Variants in OGFOD1 observed in about 807,000 individuals in gnomAD.
OGFOD1 encodes 2-oxoglutarate and iron dependent oxygenase domain containing 1, also known as prolyl 3-hydroxylase OGFOD1.
OGFOD1 carries 54 observed loss-of-function variants against 67.7 expected under a neutral mutation model. That is an observed-to-expected ratio of 0.80 (90% CI 0.64 to 1.00). The LOEUF (loss-of-function observed/expected upper bound fraction) is 1.00. OGFOD1 is among the 50% of genes least tolerant of loss of function. OGFOD1 has a pLI of 0.00. For synonymous variants in OGFOD1, 221 were observed against 227.0 expected (o/e 0.97, Z 0.24); for missense variants, 606 against 646.7 (o/e 0.94, Z 0.68).
At chr16:56,457,699 A>G (rs1962569275) in intron 2 of OGFOD1, among the ~76,000 whole-genome samples, 1 of 149,740 alleles carries the variant, frequency 6.7e-6, no homozygotes, top group South Asian at 2.1e-4. Context: ...TTTTTTTTTT[A>G]GACGGAGTTT....
chr16:56,454,459 G>A (rs1236551920), intron 2 of OGFOD1, among the ~76,000 whole-genome samples: 1 of 146,616 alleles, frequency 6.8e-6, no homozygotes, highest in Non-Finnish European at 1.5e-5. Context: ...TTTTTTTTTT[G>A]GTGGACAGTT....
chr16:56,457,737 A>G (rs1319102870), intron 2 of OGFOD1, among the ~76,000 whole-genome samples: 2 of 151,784 alleles, frequency 1.3e-5, no homozygotes, highest in African/African-American at 2.4e-5. Context: ...CTGGAGTGCA[A>G]TGGCGAGATC....
At chr16:56,475,655 TG>T (rs774220974) in intron 12 of OGFOD1, 90 bp downstream of exon 12, 15 of 995,844 alleles carry the variant, frequency 1.5e-5, no homozygotes, top group Admixed American at 5.7e-5. Flanking sequence ...CTTCTACCAG[TG>T]TCTTTAGCTA....
intron 3 of OGFOD1, among the ~76,000 whole-genome samples, chr16:56,461,895 C>A (rs1962722931): frequency 6.6e-6 from 1 of 152,030 alleles, no homozygotes; most frequent in Non-Finnish European, 1.5e-5. Context: ...GAGTTGGAGA[C>A]CAGCCTGGCC....
At chr16:56,463,923 G>C (rs1425075709) in intron 4 of OGFOD1, among the ~76,000 whole-genome samples, 1 of 152,066 alleles carries the variant, frequency 6.6e-6, no homozygotes, top group Non-Finnish European at 1.5e-5. Flanking sequence ...AATTTACGTT[G>C]ATGCCTTATT....
chr16:56,469,460 A>T (rs1300231427), intron 8 of OGFOD1, among the ~76,000 whole-genome samples: 1 of 152,176 alleles, frequency 6.6e-6, no homozygotes, highest in Non-Finnish European at 1.5e-5. Context: ...TAAGAGAATG[A>T]GCCACAATGG....
intron 2 of OGFOD1, among the ~76,000 whole-genome samples, chr16:56,455,486 T>C (rs566403372): frequency 2.0e-5 from 3 of 152,106 alleles, no homozygotes; most frequent in African/African-American, 7.2e-5. Context: ...GGTGAAACTC[T>C]ACTGTGAATA....
In OGFOD1 at chr16:56,462,638, A is replaced by C; in HGVS notation, c.448+4A>C. ...TGTGCTAAATATGAATTCACTGGTA[A>C]GGAAGATAAAGGCCTGGTGTCTGTA... On this transcript the variant is annotated splice_donor_region_variant and intron_variant, in intron 4 of 12. Coordinates refer to ENST00000566157, the MANE Select transcript of OGFOD1 (RefSeq NM_018233.4). 9 of 1,505,398 alleles carry C rather than the reference A, an allele frequency of 6.0e-6. No individual in the cohort carries two copies. The highest frequency in any genetic ancestry group is 2.8e-6 in the Non-Finnish European group (3 of 1,081,484). 93.3% of individuals were successfully genotyped at this position (1,505,398 alleles called of 1,614,324 possible).
intron 5 of OGFOD1, 22 bp from the exon 6 acceptor site, chr16:56,466,853 TG>T (rs777530896): frequency 6.5e-7 from 1 of 1,543,038 alleles, no homozygotes; most frequent in South Asian, 1.1e-5. Flanking sequence ...GATAATTTAT[TG>T]ATGTGTTCTT....
intron 7 of OGFOD1, 123 bp downstream of exon 7, chr16:56,467,416 T>C: frequency 3.0e-6 from 3 of 991,698 alleles, no homozygotes; most frequent in Non-Finnish European, 4.3e-6. Context: ...TCCACTTTTC[T>C]TTTTTTTTTC....
chr16:56,465,987 TTACTTA>T, intron 4 of OGFOD1, 159 bp from the exon 5 acceptor site: 1 of 557,814 alleles, frequency 1.8e-6, no homozygotes, highest in South Asian at 2.3e-5. Context: ...ACTTATTTGT[TTACTTA>T]TAAAAGAGGA....
rs542740991 is a variant in OGFOD1, at chr16:56,470,831, C to A, written c.1285+40C>A. 1.0e-5 allele frequency: 15 copies of A among 1,489,594 alleles called. No individual in the cohort carries two copies. In the South Asian group the frequency reaches 2.1e-4, roughly 20 times the overall value. The allele number at this position is 1,489,594 out of a possible 1,614,324, so 92.3% of individuals were successfully genotyped here. A position where few individuals can be genotyped will look rare whatever the true frequency, so the allele number is the denominator to read the frequency against. ...GGATTTGTCCTTACTTACCATTAAC[C>A]ATTCACCATTCAAACATGTATTCAT... On this transcript the variant is annotated intron_variant, in intron 10 of 12. Transcript: ENST00000566157.
At chr16:56,469,831 CAA>C (rs143511708) in intron 8 of OGFOD1, among the ~76,000 whole-genome samples, 170 bp from the exon 9 acceptor site, 10,398 of 96,494 alleles carry the variant, frequency 0.11, 588 homozygotes, top group East Asian at 0.22. Flanking sequence ...GCCTGGGCAA[CAA>C]GAGTGAAACT....
Position 56,474,818 on chromosome 16 carries a change from T to G in OGFOD1, c.1286-10T>G. ...TTTTTAAAGTTTCTCATCTTTTTTT[T>G]TTTCCTTAGAATCAAGTGTTCCCAT... On this transcript the variant is annotated splice_polypyrimidine_tract_variant and intron_variant, in intron 10 of 12. Transcript: ENST00000566157. 1 of 1,588,374 alleles carries G rather than the reference T, an allele frequency of 6.3e-7. No homozygotes were observed. The highest frequency in any genetic ancestry group is 8.5e-7 in the Non-Finnish European group (1 of 1,172,848).
intron 7 of OGFOD1, 26 bp downstream of exon 7, chr16:56,467,319 T>C (rs1962946071): frequency 1.2e-6 from 2 of 1,612,864 alleles, no homozygotes; most frequent in Admixed American, 1.7e-5. Context: ...GATATCCTTA[T>C]CTTAGGAGCT....
At chr16:56,457,233 A>G (rs1962552382) in intron 2 of OGFOD1, among the ~76,000 whole-genome samples, 1 of 152,278 alleles carries the variant, frequency 6.6e-6, no homozygotes, top group South Asian at 2.1e-4. Flanking sequence ...CAACTCAGCC[A>G]TTAAAAGGAA....
In OGFOD1 at chr16:56,453,279, C is replaced by T. The variant is rs1341776674; in HGVS notation, c.171C>T (p.Asp57=). The T allele has an allele frequency of 1.9e-6, 3 of 1,612,742 alleles. No individual in the cohort carries two copies. The African/African-American group carries it at 4.0e-5, about 22-fold the overall frequency. The change falls in exon 2 of 13, where the codon GAC becomes GAT. Residue 57 remains aspartate, a synonymous_variant. Transcript: ENST00000566157. ...TPFSHEVIVM[D]MDPFLHCVIP... The stretch of plus-strand genomic sequence containing the variant: ...TTCCAACAGAAGTCATTGTCATGGA[C>T]ATGGACCCTTTTCTTCACTGTGTGA...
In OGFOD1 at chr16:56,458,614, T is replaced by C. The variant is rs765235765; in HGVS notation, c.347+20T>C. The C allele has an allele frequency of 1.9e-6, 3 of 1,597,460 alleles. No homozygotes were observed. The East Asian group carries it at 6.7e-5, about 36-fold the overall frequency. On this transcript the variant is annotated intron_variant, in intron 3 of 12. Transcript: ENST00000566157. ...TTTAAGGTAAACAAGTAATCATATTTGTTGGGTGCTAATATGTGCCAGGCA... is the reference window on the plus strand; with the variant it reads ...TTTAAGGTAAACAAGTAATCATATTCGTTGGGTGCTAATATGTGCCAGGCA...
chr16:56,456,047 C>T (rs771815372), intron 2 of OGFOD1, among the ~76,000 whole-genome samples: 9 of 152,168 alleles, frequency 5.9e-5, no homozygotes, highest in Non-Finnish European at 1.2e-4. Flanking sequence ...ATCAGGCTTT[C>T]GCTTGTACTA....
Sources: gnomAD v4.1 joint callset for allele counts (sites outside exome capture counted in the v4.1 genomes callset) on GRCh38, gnomAD v4.1.1 for gene constraint, MANE v1.5 for transcripts, NCBI Gene and HGNC (gene_info 2026-07-23, HGNC 2026-07-21) for gene names.